Variants in CCDC134 observed in about 807,000 individuals in gnomAD.
CCDC134 encodes coiled-coil domain-containing protein 134.
A neutral mutation model predicts 25.6 loss-of-function variants in CCDC134; 27 were observed. The ratio of observed to expected loss-of-function variants is 1.05; its 90% CI spans 0.78 to 1.45. The LOEUF is 1.45. CCDC134 is among the 40% of genes most tolerant of loss of function. The probability of loss-of-function intolerance (pLI) is 0.00; values close to 1 mark genes in which losing one functional copy is unlikely to be tolerated. For synonymous variants in CCDC134, 110 were observed against 115.0 expected, an observed-to-expected ratio of 0.96 and a Z score of 0.28; for missense variants, 261 against 286.7, an observed-to-expected ratio of 0.91 and a Z score of 0.65.
At position 41,808,951 on chromosome 22, in the gene CCDC134, A is replaced by ACAGGCAC. The variant is rs774662028; in HGVS notation, c.63_69dup (p.Leu24ArgfsTer19). The ACAGGCAC allele has an allele frequency of 1.9e-6, 3 of 1,614,178 alleles. No homozygotes were observed. The South Asian group carries it at 3.3e-5, about 18-fold the overall frequency. On this transcript the variant is annotated frameshift_variant, in exon 2 of 7. Coordinates refer to ENST00000255784, the MANE Select transcript of CCDC134 (RefSeq NM_024821.5). LOFTEE classifies it high-confidence loss of function. The stretch of plus-strand genomic sequence containing the variant: ...CCTGCTTTTGTCTGGGATGGGAGCC[A>ACAGGCAC]CAGGCACCTTGAGGACCTCCCTGGA...
intron 1 of CCDC134, among the ~76,000 whole-genome samples, chr22:41,806,221 T>C (rs1390296670): frequency 6.8e-6 from 1 of 147,286 alleles, no homozygotes; most frequent in African/African-American, 2.5e-5. Flanking sequence ...CTAATTTTTT[T>C]TTTTTTTTTT....
At chr22:41,814,034 G>A (rs996666449) in intron 6 of CCDC134, among the ~76,000 whole-genome samples, 1 of 152,200 alleles carries the variant, frequency 6.6e-6, no homozygotes, top group Non-Finnish European at 1.5e-5. Context: ...CACAGCATGT[G>A]AACTCCAGTT....
At chr22:41,812,464 A>G (rs2076601612) in intron 4 of CCDC134, among the ~76,000 whole-genome samples, 2 of 150,602 alleles carry the variant, frequency 1.3e-5, no homozygotes, top group Admixed American at 6.6e-5. Context: ...CATTAGAGGA[A>G]GCCAAGTGAA....
Position 41,808,863 on chromosome 22 carries a change from T to G in CCDC134, c.-16-12T>G. The G allele has an allele frequency of 6.3e-7, 1 of 1,583,946 alleles. No homozygotes were observed. Among genetic ancestry groups the G allele is most frequent in the Non-Finnish European group, 8.7e-7 (1 of 1,152,544 alleles). On this transcript the variant is annotated splice_polypyrimidine_tract_variant and intron_variant, in intron 1 of 6. Coordinates refer to ENST00000255784, the MANE Select transcript of CCDC134 (RefSeq NM_024821.5). The stretch of plus-strand genomic sequence containing the variant: ...CTGAGTCTCACTCTCTTTCTTTGGG[T>G]TATTCTTCCAGCTCAAGAGGTTTGG...
Position 41,810,270 on chromosome 22 carries a change from C to G in CCDC134, c.289C>G (p.Gln97Glu), listed in dbSNP as rs911232984. ...ADVLPDGPFP[Q>E]DEKLKDAFSH... ...TGTGCTCCCAGATGGGCCCTTCCCC[C>G]AGGACGAGAAGCTGAAGGATGGTAT... is the stretch of plus-strand genomic sequence containing the variant. The change falls in exon 4 of 7, where the codon CAG (glutamine) becomes GAG (glutamate). Residue 97 changes from glutamine (Q) to glutamate (E), a missense_variant. Physicochemically the swap from Gln to Glu is conservative, Grantham distance 29. Transcript: ENST00000255784. 1.9e-6 allele frequency: 3 copies of G among 1,613,976 alleles called. No homozygotes were observed. The highest frequency in any genetic ancestry group is 2.2e-5 in the East Asian group (1 of 44,862).
chr22:41,809,591 G>GT (rs1240577201), intron 2 of CCDC134, among the ~76,000 whole-genome samples: 2 of 152,212 alleles, frequency 1.3e-5, no homozygotes, highest in African/African-American at 4.8e-5. Context: ...CTCTGGAACA[G>GT]TAGAATGCTT....
Position 41,814,337 on chromosome 22 carries a change from G to T in CCDC134, c.564+515G>T, listed in dbSNP as rs377302168. Among the ~76,000 whole-genome samples the T allele has an allele frequency of 1.4e-4, 21 of 152,234 alleles. No homozygotes were observed. The East Asian group carries it at 3.1e-3, about 22-fold the overall frequency. ...TTCCAGCACTTTGGGAGGCCGAGGC[G>T]GGTGGATCACCTGAGGTCAGGAGTT... On this transcript the variant is annotated intron_variant, in intron 6 of 6. Coordinates refer to ENST00000255784, the MANE Select transcript of CCDC134 (RefSeq NM_024821.5).
rs2076689670 is a variant in CCDC134, at chr22:41,828,438, C to T, written c.*2615C>T. ...GGGGCCTGGTCTTGAACTATCTCCT[C>T]ATCTGCCCCTTCTGGCACCTCCTTC... On this transcript the variant is annotated 3_prime_UTR_variant, in exon 7 of 7. Transcript: ENST00000255784. Among the ~76,000 whole-genome samples the T allele has an allele frequency of 6.6e-6, 1 of 152,180 alleles. No homozygotes were observed. Among genetic ancestry groups the T allele is most frequent in the Non-Finnish European group, 1.5e-5 (1 of 68,030 alleles).
intron 1 of CCDC134, among the ~76,000 whole-genome samples, chr22:41,805,796 G>A (rs933445305): frequency 6.6e-6 from 1 of 152,108 alleles, no homozygotes; most frequent in South Asian, 2.1e-4. Context: ...TAATAGCTGG[G>A]CATGGTGACA....
intron 1 of CCDC134, among the ~76,000 whole-genome samples, chr22:41,807,954 A>G (rs2076576588): frequency 6.6e-6 from 1 of 152,140 alleles, no homozygotes; most frequent in African/African-American, 2.4e-5. Flanking sequence ...TGAGGTTGGG[A>G]GTTCGAGACC....
chr22:41,823,934 AC>A (rs2076664064), intron 6 of CCDC134, among the ~76,000 whole-genome samples: 1 of 152,166 alleles, frequency 6.6e-6, no homozygotes, highest in Admixed American at 6.5e-5. Flanking sequence ...TAATGACACG[AC>A]CTTGAACTAA....
chr22:41,808,809 G>T, intron 1 of CCDC134, 66 bp from the exon 2 acceptor site: 1 of 1,275,424 alleles, frequency 7.8e-7, no homozygotes, highest in South Asian at 1.2e-5. Flanking sequence ...CTGTTCACCT[G>T]TGCACTCTAT....
chr22:41,807,327 C>A (rs1179408277), intron 1 of CCDC134, among the ~76,000 whole-genome samples: 1 of 152,064 alleles, frequency 6.6e-6, no homozygotes, highest in Non-Finnish European at 1.5e-5. Flanking sequence ...CTTTGGGAGG[C>A]CAAGATGGGT....
chr22:41,813,583 C>T (rs2076608131), intron 5 of CCDC134, 138 bp downstream of exon 5: 1 of 1,226,642 alleles, frequency 8.2e-7, no homozygotes, highest in South Asian at 1.4e-5. Flanking sequence ...TCTTGGGCCA[C>T]AGAGGCCCCA....
intron 6 of CCDC134, among the ~76,000 whole-genome samples, chr22:41,819,234 G>C (rs547431093): frequency 6.6e-6 from 1 of 152,328 alleles, no homozygotes; most frequent in East Asian, 1.9e-4. Context: ...GTATCAGGCT[G>C]TGTGCCAGCC....
chr22:41,816,876 C>G (rs2076625103), intron 6 of CCDC134, among the ~76,000 whole-genome samples: 1 of 152,148 alleles, frequency 6.6e-6, no homozygotes, highest in African/African-American at 2.4e-5. Flanking sequence ...CAAGATCGCA[C>G]CACTGCACTC....
intron 4 of CCDC134, among the ~76,000 whole-genome samples, chr22:41,811,348 G>GA (rs946952823): frequency 2.6e-5 from 4 of 152,204 alleles, no homozygotes; most frequent in African/African-American, 9.6e-5. Context: ...GCAGAAATGA[G>GA]ATGGTGGTCT....
chr22:41,825,423 G>T lies in CCDC134; in HGVS notation c.565-275G>T, dbSNP rs2076671915. On this transcript the variant is annotated intron_variant, in intron 6 of 6. Transcript: ENST00000255784. The surrounding 1 kb of genome is among the most constrained non-coding windows in gnomAD (Gnocchi z 4.4). ...TCCCTCACCCTGGAGGAGTCTGTGT[G>T]TTGTTTCTCAGATGCCCCATGTAGG... Among the ~76,000 whole-genome samples, 1 of 152,092 alleles carries T rather than the reference G, an allele frequency of 6.6e-6. No individual in the cohort carries two copies. The highest frequency in any genetic ancestry group is 6.5e-5 in the Admixed American group (1 of 15,268).
At chr22:41,820,877 C>A (rs2076648598) in intron 6 of CCDC134, among the ~76,000 whole-genome samples, 1 of 152,116 alleles carries the variant, frequency 6.6e-6, no homozygotes, top group South Asian at 2.1e-4. Context: ...ATGTGAGAGC[C>A]ATGCCTATGT....
Sources: gnomAD v4.1 joint callset for allele counts (sites outside exome capture counted in the v4.1 genomes callset) on GRCh38, gnomAD v4.1.1 for gene constraint, Gnocchi (gnomAD v3.1) non-coding constraint, MANE v1.5 for transcripts, NCBI Gene and HGNC (gene_info 2026-07-23, HGNC 2026-07-21) for gene names.